NRG1: variants seen among roughly 807,000 people sequenced by gnomAD.
The protein encoded by NRG1 is neuregulin 1.
A neutral mutation model predicts 63.8 loss-of-function variants in NRG1; 18 were observed. The ratio of observed to expected loss-of-function variants is 0.28; its 90% CI spans 0.19 to 0.42. NRG1 has a LOEUF of 0.42. Ranked by LOEUF, NRG1 falls within the 10% of genes least tolerant of loss-of-function variation. The pLI is 1.00. For synonymous variants in NRG1, 302 were observed against 301.3 expected, an observed-to-expected ratio of 1.00 and a Z score of -0.02; for missense variants, 762 against 814.7, an observed-to-expected ratio of 0.94 and a Z score of 0.79.
intron 1 of NRG1, among the ~76,000 whole-genome samples, chr8:31,975,957 G>A (rs768597686): frequency 1.3e-4 from 19 of 151,908 alleles, no homozygotes; most frequent in Non-Finnish European, 2.5e-4. Flanking sequence ...TGATTCCTGG[G>A]TGATGGTATT....
intron 1 of NRG1, among the ~76,000 whole-genome samples, chr8:32,163,375 T>C (rs16878890): frequency 0.12 from 18,725 of 152,260 alleles, 1,508 homozygotes; most frequent in African/African-American, 0.23. Context: ...CAGTCTTTGA[T>C]GAGCTGGCTC....
chr8:32,058,938 C>A (rs528785334), intron 1 of NRG1, among the ~76,000 whole-genome samples: 2 of 151,968 alleles, frequency 1.3e-5, no homozygotes, highest in African/African-American at 4.8e-5. Context: ...GATATTTGCA[C>A]GTTCTGCTAA....
intron 6 of NRG1, among the ~76,000 whole-genome samples, chr8:32,739,667 ACTG>A (rs1216637910): frequency 6.6e-6 from 1 of 152,138 alleles, no homozygotes; most frequent in Non-Finnish European, 1.5e-5. Context: ...TGATCACAGA[ACTG>A]GTTATAAGAT....
intron 1 of NRG1, among the ~76,000 whole-genome samples, chr8:32,380,730 T>A (rs1035012615): frequency 6.6e-6 from 1 of 152,188 alleles, no homozygotes; most frequent in Non-Finnish European, 1.5e-5. Context: ...CCTCTACCTG[T>A]GAAACATCTA....
At chr8:31,784,499 C>T (rs1477483439) in intron 1 of NRG1, among the ~76,000 whole-genome samples, 16 of 152,258 alleles carry the variant, frequency 1.1e-4, no homozygotes, top group East Asian at 1.9e-4. Flanking sequence ...GAGAATTTGC[C>T]GAGTTTCAAT....
chr8:32,572,773 C>G (rs963332748), intron 1 of NRG1, among the ~76,000 whole-genome samples: 4 of 152,162 alleles, frequency 2.6e-5, no homozygotes, highest in Non-Finnish European at 4.4e-5. Flanking sequence ...TTTCCTCTGT[C>G]TGATAACTGT....
intron 1 of NRG1, among the ~76,000 whole-genome samples, chr8:31,914,929 T>A (rs1028304280): frequency 1.3e-5 from 2 of 152,076 alleles, no homozygotes; most frequent in African/African-American, 4.8e-5. Flanking sequence ...TATTATTTGC[T>A]CTTCCCCAGA....
intron 5 of NRG1, among the ~76,000 whole-genome samples, chr8:32,652,360 T>A (rs1471445140): frequency 6.6e-6 from 1 of 152,180 alleles, no homozygotes; most frequent in African/African-American, 2.4e-5. Context: ...GAAAACAGCA[T>A]GGGTTGCCTA....
chr8:32,040,223 A>G (rs540489515), intron 1 of NRG1, among the ~76,000 whole-genome samples: 1 of 152,316 alleles, frequency 6.6e-6, no homozygotes, highest in South Asian at 2.1e-4. Flanking sequence ...AGATTTTCAA[A>G]TGACCTTCCT....
At chr8:32,158,206 C>T (rs1393905839) in intron 1 of NRG1, among the ~76,000 whole-genome samples, 3 of 151,880 alleles carry the variant, frequency 2.0e-5, no homozygotes, top group Non-Finnish European at 4.4e-5. Context: ...TCACTTACAA[C>T]TGAGCTTCTC....
At chr8:31,703,998 T>A (rs979934662) in intron 1 of NRG1, among the ~76,000 whole-genome samples, 1 of 152,264 alleles carries the variant, frequency 6.6e-6, no homozygotes, top group African/African-American at 2.4e-5. Context: ...CTCAGTTTAC[T>A]GTTGCTACCC....
At chr8:32,639,340 A>G (rs1259409417) in intron 5 of NRG1, among the ~76,000 whole-genome samples, 1 of 152,180 alleles carries the variant, frequency 6.6e-6, no homozygotes, top group African/African-American at 2.4e-5. Flanking sequence ...TGGGAGGTGG[A>G]GGCTGCAGTG....
At position 32,558,154 on chromosome 8, in the gene NRG1, T is replaced by C. The variant is rs16879555; in HGVS notation, c.100+9328T>C. On this transcript the variant is annotated intron_variant, in intron 1 of 11. Transcript: ENST00000356819. Reference sequence around the variant, plus strand: ...GGGAGAGCGTAGAGTATAGTCCCTGTGGCCTCTACGGAGTCATCGCCTTCT... The same window carrying C: ...GGGAGAGCGTAGAGTATAGTCCCTGCGGCCTCTACGGAGTCATCGCCTTCT... Among the ~76,000 whole-genome samples the C allele has an allele frequency of 8.4e-3, 1,283 of 152,320 alleles. 17 individuals are homozygous for C. The highest frequency in any genetic ancestry group is 0.029 in the African/African-American group (1,222 of 41,578).
chr8:32,612,674 G>A (rs1846564034), intron 3 of NRG1, among the ~76,000 whole-genome samples: 1 of 151,858 alleles, frequency 6.6e-6, no homozygotes, highest in Non-Finnish European at 1.5e-5. Context: ...GAAAAGTTCT[G>A]ATTTTTTTTT....
intron 1 of NRG1, among the ~76,000 whole-genome samples, chr8:32,373,338 C>G (rs577097612): frequency 1.3e-5 from 2 of 152,228 alleles, no homozygotes; most frequent in African/African-American, 4.8e-5. Flanking sequence ...TTTTGAAGAG[C>G]AATTTGGCAA....
At chr8:32,363,893 T>C (rs569127114) in intron 1 of NRG1, among the ~76,000 whole-genome samples, 29 of 152,036 alleles carry the variant, frequency 1.9e-4, no homozygotes, top group Non-Finnish European at 3.7e-4. Flanking sequence ...TGAGGGGTTG[T>C]GGAACTTTTC....
intron 1 of NRG1, among the ~76,000 whole-genome samples, chr8:32,302,868 T>A (rs796796450): frequency 6.6e-5 from 10 of 151,690 alleles, no homozygotes; most frequent in African/African-American, 2.4e-4. Flanking sequence ...TATTTGTATT[T>A]CTATTTATCA....
Position 31,813,696 on chromosome 8 carries a change from T to C in NRG1, c.37+174265T>C, listed in dbSNP as rs181876839. ...GTGCACACCACCACGCCTGGCTAAA[T>C]TTTGTATTTTTTGTCAAGACAAGGT... is the stretch of plus-strand genomic sequence containing the variant. On this transcript the variant is annotated intron_variant, in intron 1 of 10. Transcript: ENST00000519301. 9.2e-5 allele frequency among the ~76,000 whole-genome samples: 14 copies of C among 151,824 alleles called. No homozygotes were observed. In the East Asian group the frequency reaches 2.1e-3, roughly 23 times the overall value.
At chr8:32,546,653 G>A (rs1231108736), upstream of NRG1, among the ~76,000 whole-genome samples, 1 of 152,132 alleles carries the variant, frequency 6.6e-6, no homozygotes, top group Non-Finnish European at 1.5e-5. Context: ...ATAGCCCAGT[G>A]AAATTTATAT....
Sources: allele counts gnomAD v4.1 joint callset (sites outside exome capture counted in the v4.1 genomes callset), GRCh38; gene constraint gnomAD v4.1.1; transcripts MANE v1.5; gene names NCBI Gene and HGNC (gene_info 2026-07-23, HGNC 2026-07-21).